TENM2: variants seen among roughly 807,000 people sequenced by gnomAD.
The protein encoded by TENM2 is teneurin transmembrane protein 2, also known as teneurin-2.
Under a neutral mutation model 245.2 loss-of-function variants are expected in TENM2, and 52 were observed. That is an observed-to-expected ratio of 0.21 (90% CI 0.17 to 0.27). The LOEUF (loss-of-function observed/expected upper bound fraction) is 0.27, where lower values mean the gene tolerates loss of function less well. Ranked by LOEUF, TENM2 falls within the 10% of genes least tolerant of loss-of-function variation. The pLI is 1.00. For missense variants in TENM2, 3,046 were observed against 3,666.8 expected (o/e 0.83, Z 4.37); for synonymous variants, 1,363 against 1,438.9 (o/e 0.95, Z 1.19).
rs1765077802 is a variant in TENM2 at position 168,233,031 on chromosome 5, C to CA, written c.5520+4906dup. Among the ~76,000 whole-genome samples, 3 of 152,238 alleles carry CA rather than the reference C, an allele frequency of 2.0e-5. No homozygotes were observed. The South Asian group carries it at 6.2e-4, about 32-fold the overall frequency. On this transcript the variant is annotated intron_variant, in intron 25 of 28. Coordinates refer to ENST00000518659, the Ensembl canonical transcript of TENM2. ...CCTTTCTTCACTCACTCTGGCCTTGCAAAAACATGAAGCAGGCCGGGCGTG... is the reference window on the plus strand; with the variant it reads ...CCTTTCTTCACTCACTCTGGCCTTGCAAAAAACATGAAGCAGGCCGGGCGTG...
chr5:167,129,893 T>C, the TENM2 span, among the ~76,000 whole-genome samples: 1 of 152,060 alleles, frequency 6.6e-6, no homozygotes, highest in African/African-American at 2.4e-5. Context: ...AACAAAATAA[T>C]CCTGTGCATG....
chr5:167,336,660 T>TCATA (rs1431722154), intron 1 of TENM2, among the ~76,000 whole-genome samples: 1 of 152,080 alleles, frequency 6.6e-6, no homozygotes, highest in African/African-American at 2.4e-5. Flanking sequence ...CCCTGTCTTA[T>TCATA]CATACCCTTT....
chr5:167,337,773 C>A (rs1757868217), intron 1 of TENM2, among the ~76,000 whole-genome samples: 1 of 152,080 alleles, frequency 6.6e-6, no homozygotes, highest in Non-Finnish European at 1.5e-5. Context: ...AGTGGTATGA[C>A]AAAGGAGGCT....
the TENM2 span, among the ~76,000 whole-genome samples, chr5:167,249,437 C>T: frequency 6.6e-6 from 1 of 151,996 alleles, no homozygotes; most frequent in Non-Finnish European, 1.5e-5. Context: ...GTTCTTCTTT[C>T]CTTCTTTCCT....
intron 3 of TENM2, among the ~76,000 whole-genome samples, chr5:167,888,902 T>C (rs993783615): frequency 2.0e-5 from 3 of 152,200 alleles, no homozygotes; most frequent in African/African-American, 7.2e-5. Context: ...ATTAATGTTT[T>C]CTGCTAGAGT....
intron 4 of TENM2, among the ~76,000 whole-genome samples, chr5:167,978,053 A>G (rs1397133103): frequency 1.3e-5 from 2 of 152,178 alleles, no homozygotes; most frequent in East Asian, 1.9e-4. Flanking sequence ...CTCTCTTGCC[A>G]TGTGATGCCA....
intron 3 of TENM2, among the ~76,000 whole-genome samples, chr5:167,917,982 TTAC>T (rs1331992785): frequency 6.6e-6 from 1 of 152,208 alleles, no homozygotes; most frequent in Admixed American, 6.5e-5. Flanking sequence ...GTTATTATTA[TTAC>T]TATTTTTGGC....
At chr5:167,685,953 C>T (rs1440720954) in intron 2 of TENM2, among the ~76,000 whole-genome samples, 1 of 152,194 alleles carries the variant, frequency 6.6e-6, no homozygotes, top group Non-Finnish European at 1.5e-5. Context: ...AAATCTAGCA[C>T]TACCCCTAGT....
rs998883371 is a variant in TENM2 at position 167,575,906 on chromosome 5, C to T, written c.502+200433C>T. Among the ~76,000 whole-genome samples, 3 of 151,598 alleles carry T rather than the reference C, an allele frequency of 2.0e-5. 1 individual carries two copies. Among genetic ancestry groups the T allele is most frequent in the African/African-American group, 2.4e-5 (1 of 41,272 alleles). ...CGTTTTTTTTCTACATCGTTTTTTC[C>T]TGCGTGAAATTTTTCTCTGACTCCA... On this transcript the variant is annotated intron_variant, in intron 2 of 28. Coordinates refer to ENST00000518659, the Ensembl canonical transcript of TENM2.
Position 168,212,661 on chromosome 5 carries a change from C to T in TENM2, c.3845+907C>T, listed in dbSNP as rs564855758. ...GGAAAGGCCATGCATTGACAAAGTCCTCTGTCTTCTTCTCAGGCACCCCAA... is the reference window on the plus strand; with the variant it reads ...GGAAAGGCCATGCATTGACAAAGTCTTCTGTCTTCTTCTCAGGCACCCCAA... On this transcript the variant is annotated intron_variant, in intron 20 of 28. Coordinates refer to ENST00000518659, the Ensembl canonical transcript of TENM2. 6.3e-3 allele frequency among the ~76,000 whole-genome samples: 955 copies of T among 152,238 alleles called. 5 individuals are homozygous for T. Among genetic ancestry groups the T allele is most frequent in the Non-Finnish European group, 9.8e-3 (665 of 68,014 alleles).
the TENM2 span, among the ~76,000 whole-genome samples, chr5:167,023,996 TG>T: frequency 6.6e-6 from 1 of 152,218 alleles, no homozygotes; most frequent in African/African-American, 2.4e-5. Context: ...AATATATGCA[TG>T]GACATGAGAG....
the TENM2 span, among the ~76,000 whole-genome samples, chr5:167,186,825 A>G: frequency 1.3e-5 from 2 of 152,236 alleles, no homozygotes; most frequent in African/African-American, 2.4e-5. Flanking sequence ...GCAGTTGGGA[A>G]TAGAAACCAC....
intron 1 of TENM2, among the ~76,000 whole-genome samples, chr5:167,328,248 C>T (rs1234282643): frequency 7.8e-6 from 1 of 127,748 alleles, no homozygotes; most frequent in African/African-American, 3.1e-5. Context: ...TGCTCTGTCG[C>T]CAGGCTGGAG....
the TENM2 span, among the ~76,000 whole-genome samples, chr5:167,277,987 T>C: frequency 6.6e-6 from 1 of 152,248 alleles, no homozygotes; most frequent in South Asian, 2.1e-4. Flanking sequence ...TTATTTTCAA[T>C]GTGCCTGGAT....
At chr5:167,501,436 T>C (rs889305708) in intron 2 of TENM2, among the ~76,000 whole-genome samples, 2 of 152,168 alleles carry the variant, frequency 1.3e-5, no homozygotes, top group Non-Finnish European at 2.9e-5. Context: ...AAGACACATA[T>C]TTTGAGTGAC....
chr5:167,028,799 T>C, the TENM2 span, among the ~76,000 whole-genome samples: 1 of 152,120 alleles, frequency 6.6e-6, no homozygotes, highest in African/African-American at 2.4e-5. Flanking sequence ...GTTTCATCTA[T>C]GAGGTTGTTA....
At chr5:167,365,657 C>A (rs1234612387) in intron 1 of TENM2, among the ~76,000 whole-genome samples, 2 of 151,830 alleles carry the variant, frequency 1.3e-5, no homozygotes, top group African/African-American at 2.4e-5. Flanking sequence ...TATTAGAAAG[C>A]ATATATTACC....
At chr5:167,755,145 C>G in intron 2 of TENM2, 1 of 1,599,146 alleles carries the variant, frequency 6.3e-7, no homozygotes, top group Admixed American at 1.7e-5. Context: ...AGTACCTCAC[C>G]TCAGTCTGTG....
intron 7 of TENM2, among the ~76,000 whole-genome samples, chr5:168,077,140 G>A (rs766891413): frequency 2.1e-4 from 32 of 152,220 alleles, no homozygotes; most frequent in Non-Finnish European, 4.3e-4. Context: ...AGCGTGCCTG[G>A]CCTCATTAAA....
Sources: gnomAD v4.1 joint callset for allele counts (sites outside exome capture counted in the v4.1 genomes callset) on GRCh38, gnomAD v4.1.1 for gene constraint, MANE v1.5 for transcripts, NCBI Gene and HGNC (gene_info 2026-07-23, HGNC 2026-07-21) for gene names.